MAGI2: variants seen among roughly 807,000 people sequenced by gnomAD.
MAGI2 encodes the protein membrane associated guanylate kinase, WW and PDZ domain containing 2.
In MAGI2, 35 loss-of-function variants were observed where a neutral mutation model predicts 133.3. The observed-to-expected ratio is 0.26, with a 90% CI of 0.20 to 0.35. The LOEUF is 0.35. Ranked by LOEUF, MAGI2 falls within the 10% of genes least tolerant of loss-of-function variation. The pLI, the probability that MAGI2 is intolerant of heterozygous loss-of-function variation, is 1.00. For missense variants in MAGI2, 1,636 were observed against 1,863.4 expected (o/e 0.88, Z 2.25); for synonymous variants, 729 against 710.6 (o/e 1.03, Z -0.41).
At chr7:79,362,546 T>G (rs537345045) in intron 1 of MAGI2, among the ~76,000 whole-genome samples, 28 of 151,992 alleles carry the variant, frequency 1.8e-4, no homozygotes, top group Admixed American at 7.9e-4. Flanking sequence ...AAGAAAAAAA[T>G]ATTAACAAAC....
At chr7:78,565,572 A>C (rs1584658566) in intron 3 of MAGI2, among the ~76,000 whole-genome samples, 1 of 151,794 alleles carries the variant, frequency 6.6e-6, no homozygotes, top group Admixed American at 6.6e-5. Flanking sequence ...GTTATTTTCA[A>C]ATACTTTTAA....
At chr7:78,984,996 CTTT>C (rs142419894) in intron 2 of MAGI2, among the ~76,000 whole-genome samples, 2 of 140,808 alleles carry the variant, frequency 1.4e-5, no homozygotes, top group Admixed American at 7.1e-5. Context: ...TTCTTCTTTC[CTTT>C]TTTTTTTTTT....
intron 2 of MAGI2, among the ~76,000 whole-genome samples, chr7:78,908,851 A>G (rs531717621): frequency 6.6e-6 from 1 of 152,300 alleles, no homozygotes; most frequent in East Asian, 1.9e-4. Flanking sequence ...AGAAAATAGA[A>G]AGAAAAAAAT....
At chr7:78,877,385 T>C (rs903265355) in intron 2 of MAGI2, among the ~76,000 whole-genome samples, 5 of 152,238 alleles carry the variant, frequency 3.3e-5, no homozygotes, top group African/African-American at 4.8e-5. Context: ...AAATAAATAA[T>C]CTTACATGTA....
intron 1 of MAGI2, among the ~76,000 whole-genome samples, chr7:79,014,779 C>A (rs1402752776): frequency 6.6e-6 from 1 of 152,114 alleles, no homozygotes; most frequent in Non-Finnish European, 1.5e-5. Flanking sequence ...GATTATTAAA[C>A]TGAAGAAAAG....
chr7:78,343,340 T>G (rs1040243780), intron 9 of MAGI2, among the ~76,000 whole-genome samples: 2 of 152,062 alleles, frequency 1.3e-5, no homozygotes, highest in African/African-American at 4.8e-5. Context: ...CCTAGTCCAG[T>G]TTAAAGTTTT....
intron 21 of MAGI2, among the ~76,000 whole-genome samples, chr7:78,071,758 G>A (rs1306244878): frequency 1.3e-5 from 2 of 152,118 alleles, no homozygotes; most frequent in African/African-American, 2.4e-5. Context: ...TTTCTATTGC[G>A]CGGTGGAAGG....
Position 78,395,440 on chromosome 7 carries a change from A to G in MAGI2, c.1046-26227T>C, listed in dbSNP as rs563258742. On this transcript the variant is annotated intron_variant, in intron 6 of 21. Transcript: ENST00000354212. ...TCCTTCAGCTTTTGGTTTCTTTACC[A>G]GAATTCCTTTGTCTTCATCATCCAG... 1.7e-3 allele frequency among the ~76,000 whole-genome samples: 256 copies of G among 152,338 alleles called. 1 individual carries two copies. The highest frequency in any genetic ancestry group is 5.5e-3 in the African/African-American group (227 of 41,596).
chr7:78,779,246 CTT>C (rs71085567), intron 2 of MAGI2, among the ~76,000 whole-genome samples: 4 of 151,602 alleles, frequency 2.6e-5, no homozygotes, highest in Admixed American at 6.6e-5. Flanking sequence ...CAAACAGCAA[CTT>C]TTTTTTTCCC....
intron 2 of MAGI2, among the ~76,000 whole-genome samples, chr7:78,631,209 C>T (rs915776810): frequency 1.8e-4 from 27 of 152,202 alleles, no homozygotes; most frequent in Middle Eastern, 3.2e-3. Flanking sequence ...TTCATGCCAC[C>T]ACCATTCTTC....
intron 1 of MAGI2, among the ~76,000 whole-genome samples, chr7:79,090,929 T>G (rs752936511): frequency 6.6e-6 from 1 of 152,116 alleles, no homozygotes; most frequent in Non-Finnish European, 1.5e-5. Context: ...CCCACAACAG[T>G]GTACAGCTCA....
At chr7:79,421,103 A>T (rs1032016459) in intron 1 of MAGI2, among the ~76,000 whole-genome samples, 1 of 152,056 alleles carries the variant, frequency 6.6e-6, no homozygotes, top group Non-Finnish European at 1.5e-5. Flanking sequence ...GGTACCGTGG[A>T]CTGTGTTAGC....
At chr7:79,326,935 G>T (rs1397494207) in intron 1 of MAGI2, among the ~76,000 whole-genome samples, 1 of 152,156 alleles carries the variant, frequency 6.6e-6, no homozygotes, top group African/African-American at 2.4e-5. Flanking sequence ...ACTTCTGAGA[G>T]AAGACGAAAG....
intron 2 of MAGI2, among the ~76,000 whole-genome samples, chr7:78,793,441 A>G (rs1211631532): frequency 1.3e-5 from 2 of 152,180 alleles, no homozygotes; most frequent in African/African-American, 4.8e-5. Context: ...AGCCTCCCAC[A>G]ACAGAGTTAT....
intron 6 of MAGI2, among the ~76,000 whole-genome samples, chr7:78,461,440 C>G (rs1415638405): frequency 7.3e-6 from 1 of 136,470 alleles, no homozygotes; most frequent in African/African-American, 2.8e-5. Context: ...ATATATTGCT[C>G]TTGGTTAGAA....
In MAGI2 at chr7:79,453,611, C is replaced by A. The variant is rs962619771; in HGVS notation, c.-291G>T. On this transcript the variant is annotated 5_prime_UTR_variant, in exon 1 of 22. Coordinates refer to ENST00000354212, the MANE Select transcript of MAGI2 (RefSeq NM_012301.4). Reference sequence around the variant, plus strand: ...GCAGAGGAAGCAGTGGTGGTGGCGTCGGCGGCGGCGGCGGCGGCAGCCGGA... The same window carrying A: ...GCAGAGGAAGCAGTGGTGGTGGCGTAGGCGGCGGCGGCGGCGGCAGCCGGA... 3.3e-6 allele frequency: 3 copies of A among 907,012 alleles called. No individual in the cohort carries two copies. Among genetic ancestry groups the A allele is most frequent in the Non-Finnish European group, 2.6e-6 (2 of 758,920 alleles). The allele number at this position is 907,012 out of a possible 1,614,324, so 56.2% of individuals were successfully genotyped here.
chr7:78,362,335 G>A (rs995978060), intron 7 of MAGI2, among the ~76,000 whole-genome samples: 1 of 152,106 alleles, frequency 6.6e-6, no homozygotes, highest in African/African-American at 2.4e-5. Context: ...AAGTTTGAGG[G>A]ACTCTGTCAT....
intron 1 of MAGI2, among the ~76,000 whole-genome samples, chr7:79,032,303 G>A (rs940093649): frequency 6.6e-6 from 1 of 152,080 alleles, no homozygotes; most frequent in African/African-American, 2.4e-5. Context: ...GATCATTTGA[G>A]GTCAGGAGTT....
chr7:78,497,384 T>C (rs1447895465), intron 5 of MAGI2, among the ~76,000 whole-genome samples: 2 of 152,140 alleles, frequency 1.3e-5, no homozygotes, highest in Non-Finnish European at 1.5e-5. Flanking sequence ...TCTGCTTTTA[T>C]CAATCATCAA....
Sources: allele counts gnomAD v4.1 joint callset (sites outside exome capture counted in the v4.1 genomes callset), GRCh38; gene constraint gnomAD v4.1.1; transcripts MANE v1.5; gene names NCBI Gene and HGNC (gene_info 2026-07-23, HGNC 2026-07-21).